Variants in LRP1B observed in about 807,000 individuals in gnomAD.
LRP1B encodes the protein low-density lipoprotein receptor-related protein 1B.
In LRP1B, 217 loss-of-function variants were observed where a neutral mutation model predicts 556.6. That is an observed-to-expected ratio of 0.39 (90% CI 0.35 to 0.44). The LOEUF (loss-of-function observed/expected upper bound fraction) is 0.44. LRP1B is among the 20% of genes least tolerant of loss of function. The pLI is 1.00. For synonymous variants in LRP1B, 2,047 were observed against 1,865.8 expected, an observed-to-expected ratio of 1.10 and a Z score of -2.50; for missense variants, 5,053 against 5,620.8, an observed-to-expected ratio of 0.90 and a Z score of 3.23.
At chr2:142,108,608 T>C (rs941067421) in intron 1 of LRP1B, among the ~76,000 whole-genome samples, 2 of 152,214 alleles carry the variant, frequency 1.3e-5, no homozygotes, top group African/African-American at 2.4e-5. Flanking sequence ...ATGTGAAATA[T>C]AGGCTTCATG....
At chr2:141,231,652 C>A (rs1251160436) in intron 5 of LRP1B, among the ~76,000 whole-genome samples, 3 of 136,216 alleles carry the variant, frequency 2.2e-5, no homozygotes, top group Non-Finnish European at 4.7e-5. Context: ...CTCCACGTGG[C>A]AACCTTCCTT....
intron 84 of LRP1B, among the ~76,000 whole-genome samples, chr2:140,275,362 T>C (rs1682626875): frequency 6.6e-6 from 1 of 152,010 alleles, no homozygotes; most frequent in Admixed American, 6.6e-5. Flanking sequence ...TTAAAGCAGT[T>C]TCTTTTGTCT....
intron 2 of LRP1B, among the ~76,000 whole-genome samples, chr2:141,743,486 C>CTTTTTTTTTTTTTTTTTTTTTTTTTT (rs765968445): frequency 9.3e-6 from 1 of 108,032 alleles, no homozygotes. Context: ...CTGCTTTTTT[C>CTTTTTTTTTTTTTTTTTTTTTTTTTT]TTTTTTTTTT....
intron 2 of LRP1B, among the ~76,000 whole-genome samples, chr2:141,652,291 A>G (rs1689824863): frequency 6.6e-6 from 1 of 152,220 alleles, no homozygotes; most frequent in Non-Finnish European, 1.5e-5. Flanking sequence ...TCCAATTCAG[A>G]AGCTATTTCT....
chr2:141,016,419 GT>G (rs780576983), intron 12 of LRP1B, among the ~76,000 whole-genome samples: 6 of 152,006 alleles, frequency 3.9e-5, no homozygotes, highest in Non-Finnish European at 8.8e-5. Flanking sequence ...GACTGACTTT[GT>G]TCTAAAGGGC....
chr2:140,691,923 A>G (rs1472838691), intron 41 of LRP1B, among the ~76,000 whole-genome samples: 1 of 152,186 alleles, frequency 6.6e-6, no homozygotes, highest in Non-Finnish European at 1.5e-5. Context: ...TCATATTATT[A>G]AGAACAATCT....
intron 6 of LRP1B, among the ~76,000 whole-genome samples, chr2:141,202,487 G>A (rs1038677110): frequency 9.9e-5 from 15 of 152,144 alleles, no homozygotes; most frequent in Non-Finnish European, 1.9e-4. Flanking sequence ...TTGAGGAATT[G>A]CCACATTGCT....
chr2:141,786,565 T>C (rs186484458), intron 2 of LRP1B, among the ~76,000 whole-genome samples: 1 of 152,060 alleles, frequency 6.6e-6, no homozygotes, highest in East Asian at 1.9e-4. Flanking sequence ...TTTCTACCTA[T>C]AATATCAAGC....
intron 41 of LRP1B, among the ~76,000 whole-genome samples, chr2:140,603,833 T>C: frequency 6.6e-6 from 1 of 152,210 alleles, no homozygotes. Flanking sequence ...TTTAGATCCT[T>C]ATAAAATTAT....
Position 140,922,969 on chromosome 2 carries a change from A to C in LRP1B, c.3315T>G (p.Ser1105Arg), listed in dbSNP as rs770132000. The C allele has an allele frequency of 6.2e-7, 1 of 1,612,034 alleles. No individual in the cohort carries two copies. Residue 1105 changes from serine (S) to arginine (R), a missense_variant, in exon 21 of 91, where the codon AGT becomes AGG. Physicochemically the swap from Ser to Arg is moderately radical, Grantham distance 110 (BLOSUM62 -1). Around this residue, in one of 5 missense-constraint regions of LRP1B, gnomAD observed 3,619 missense variants for 3,931.9 expected, o/e 0.92. Coordinates refer to ENST00000389484, the MANE Select transcript of LRP1B (RefSeq NM_018557.3). ...CCAAAAGCAATGTTCACTTACCTGT[A>C]CTCCAACAGGAAAACTTGGTTTTGT... ...CDHKTKFSCW[S>R]TGRCINKAWV...
chr2:141,229,531 C>T, intron 5 of LRP1B, 91 bp from the exon 6 acceptor site: 1 of 956,876 alleles, frequency 1.0e-6, no homozygotes, highest in Non-Finnish European at 1.6e-6. Flanking sequence ...ATTTTCTATA[C>T]TTTTAATAAA....
chr2:141,837,775 G>C (rs1384339415), intron 1 of LRP1B, among the ~76,000 whole-genome samples: 1 of 152,106 alleles, frequency 6.6e-6, no homozygotes, highest in East Asian at 1.9e-4. Context: ...GGACTAGGTA[G>C]ATGAATAGAT....
At chr2:140,308,653 T>C (rs1016974150) in intron 83 of LRP1B, among the ~76,000 whole-genome samples, 3 of 151,824 alleles carry the variant, frequency 2.0e-5, no homozygotes, top group Non-Finnish European at 1.5e-5. Flanking sequence ...TAACTAGTTT[T>C]ATGTATATCT....
At chr2:140,411,117 G>T (rs572820494) in intron 66 of LRP1B, among the ~76,000 whole-genome samples, 1 of 152,060 alleles carries the variant, frequency 6.6e-6, no homozygotes, top group Non-Finnish European at 1.5e-5. Context: ...GCCAAGTATT[G>T]TTTCACCAGA....
intron 3 of LRP1B, among the ~76,000 whole-genome samples, chr2:141,366,725 C>CT (rs1689048476): frequency 1.3e-5 from 2 of 152,146 alleles, no homozygotes; most frequent in Admixed American, 1.3e-4. Flanking sequence ...AAAAGCTTTA[C>CT]TTTTTTCTCA....
intron 18 of LRP1B, among the ~76,000 whole-genome samples, chr2:140,958,819 C>A (rs1695949441): frequency 6.6e-6 from 1 of 151,406 alleles, no homozygotes; most frequent in South Asian, 2.1e-4. Flanking sequence ...ATTTACCCAC[C>A]ACCCCCACTG....
intron 7 of LRP1B, among the ~76,000 whole-genome samples, chr2:141,148,310 T>C (rs1701835926): frequency 1.3e-5 from 2 of 152,176 alleles, no homozygotes; most frequent in African/African-American, 4.8e-5. Context: ...TTGTCACCTT[T>C]AATAATCAAA....
intron 27 of LRP1B, among the ~76,000 whole-genome samples, chr2:140,864,394 T>A (rs1692888013): frequency 6.6e-6 from 1 of 152,068 alleles, no homozygotes; most frequent in Non-Finnish European, 1.5e-5. Context: ...AGGTAAAATT[T>A]GAGCTAGTAT....
intron 1 of LRP1B, among the ~76,000 whole-genome samples, chr2:141,924,354 C>G (rs1700278949): frequency 1.3e-5 from 2 of 152,046 alleles, no homozygotes; most frequent in Non-Finnish European, 2.9e-5. Context: ...TTTTCCAGCT[C>G]CCTGTCCATC....
Sources: gnomAD v4.1 joint callset for allele counts (sites outside exome capture counted in the v4.1 genomes callset) on GRCh38, gnomAD v4.1.1 for gene constraint, gnomAD v4.1.1 regional missense constraint, MANE v1.5 for transcripts, NCBI Gene and HGNC (gene_info 2026-07-23, HGNC 2026-07-21) for gene names.